Variants in BCKDHA observed in about 807,000 individuals in gnomAD.
BCKDHA encodes the protein 2-oxoisovalerate dehydrogenase subunit alpha, mitochondrial.
BCKDHA carries 43 observed loss-of-function variants against 52.2 expected under a neutral mutation model. The observed-to-expected ratio is 0.82, with a 90% confidence interval of 0.64 to 1.06. The LOEUF (loss-of-function observed/expected upper bound fraction) is 1.06. Among genes scored for constraint, BCKDHA ranks in the 50% least tolerant of loss-of-function variants. The pLI, the probability that BCKDHA is intolerant of heterozygous loss-of-function variation, is 0.00. For synonymous variants in BCKDHA, 234 were observed against 247.9 expected (o/e 0.94, Z 0.53); for missense variants, 527 against 621.3 (o/e 0.85, Z 1.61).
chr19:41,413,987 T>C, intron 3 of BCKDHA, 62 bp from the exon 4 acceptor site: 6 of 1,390,742 alleles, frequency 4.3e-6, no homozygotes, highest in South Asian at 1.2e-5. Context: ...AGGATTTGGA[T>C]GGCTCTCTGT....
chr19:41,414,969 G>A (rs2122123713), intron 4 of BCKDHA, among the ~76,000 whole-genome samples: 1 of 152,230 alleles, frequency 6.6e-6, no homozygotes, highest in South Asian at 2.1e-4. Context: ...AGCTGTTGAG[G>A]GCAGTCTTGG....
In BCKDHA at chr19:41,423,063, G is replaced by T; in HGVS notation, c.1061G>T (p.Trp354Leu). ...CGCTCGGTGGATGAGGTCAATTACT[G>T]GGATAAACAGGACCACCCCATCTCC... ...AYRSVDEVNY[W>L]DKQDHPISRL... The change falls in exon 8 of 9, where the codon TGG becomes TTG. Residue 354 changes from tryptophan to leucine, a missense_variant. Physicochemically the swap from Trp to Leu is moderately conservative, Grantham distance 61. Coordinates refer to ENST00000269980, the MANE Select transcript of BCKDHA (RefSeq NM_000709.4). 6.3e-7 allele frequency: 1 copy of T among 1,595,692 alleles called. No individual in the cohort carries two copies. Among genetic ancestry groups the T allele is most frequent in the African/African-American group, 1.3e-5 (1 of 74,690 alleles).
chr19:41,418,424 A>G (rs1316636803), intron 4 of BCKDHA, among the ~76,000 whole-genome samples: 3 of 152,204 alleles, frequency 2.0e-5, no homozygotes, highest in Admixed American at 1.3e-4. Flanking sequence ...GGTGTTCACC[A>G]GAGGTTTTGT....
At chr19:41,403,286 C>G (rs975376874) in intron 1 of BCKDHA, among the ~76,000 whole-genome samples, 1 of 152,188 alleles carries the variant, frequency 6.6e-6, no homozygotes, top group Non-Finnish European at 1.5e-5. Context: ...ATACGGAGGA[C>G]TTGGAGTTAA....
chr19:41,414,985 T>C (rs2039293166), intron 4 of BCKDHA, among the ~76,000 whole-genome samples: 2 of 152,042 alleles, frequency 1.3e-5, no homozygotes, highest in Admixed American at 1.3e-4. Flanking sequence ...CTTGGGGCAG[T>C]TGGCAAAGTG....
At chr19:41,416,146 G>A (rs4802118) in intron 4 of BCKDHA, among the ~76,000 whole-genome samples, 88,292 of 151,862 alleles carry the variant, frequency 0.58, 25,892 homozygotes, top group Middle Eastern at 0.62. Flanking sequence ...GTTTCACCAC[G>A]TTGGTCAGGC....
At chr19:41,404,626 C>A (rs957865205) in intron 1 of BCKDHA, among the ~76,000 whole-genome samples, 1 of 151,478 alleles carries the variant, frequency 6.6e-6, no homozygotes, top group Non-Finnish European at 1.5e-5. Context: ...TGGAGTCTCA[C>A]TCTGTCACCC....
intron 4 of BCKDHA, among the ~76,000 whole-genome samples, chr19:41,416,300 C>T (rs941856278): frequency 2.0e-5 from 3 of 152,160 alleles, no homozygotes; most frequent in Admixed American, 6.5e-5. Flanking sequence ...TTTCCCCTCA[C>T]TGCACTGCAG....
chr19:41,403,276 A>G (rs1019807099), intron 1 of BCKDHA, among the ~76,000 whole-genome samples: 1 of 152,162 alleles, frequency 6.6e-6, no homozygotes, highest in African/African-American at 2.4e-5. Flanking sequence ...GCTACCCTAG[A>G]TACGGAGGAC....
intron 3 of BCKDHA, among the ~76,000 whole-genome samples, chr19:41,411,345 T>C (rs939251528): frequency 5.3e-5 from 8 of 152,084 alleles, no homozygotes; most frequent in African/African-American, 1.9e-4. Context: ...CCTGGAGTGC[T>C]CCAGGGGACC....
chr19:41,422,969 C>A (rs1404660638), intron 7 of BCKDHA, 29 bp from the exon 8 acceptor site: 6 of 1,601,700 alleles, frequency 3.7e-6, no homozygotes, highest in African/African-American at 2.7e-5. Context: ...GGAGCCCACA[C>A]TGACCTGGGG....
At position 41,424,817 on chromosome 19, in the gene BCKDHA, C is replaced by A; in HGVS notation, c.*209C>A. 1 of 568,074 alleles carries A rather than the reference C, an allele frequency of 1.8e-6. No individual in the cohort carries two copies. Among genetic ancestry groups the A allele is most frequent in the Non-Finnish European group, 3.0e-6 (1 of 329,112 alleles). The allele number at this position is 568,074 out of a possible 1,614,324, so 35.2% of individuals were successfully genotyped here. On this transcript the variant is annotated 3_prime_UTR_variant, in exon 9 of 9. Coordinates refer to ENST00000269980, the MANE Select transcript of BCKDHA (RefSeq NM_000709.4). ...ACAGCATCTGCAGCAGTTGCTGAGGCTCCGTCAGCCCCCTCTTCACCTGTT... is the reference window on the plus strand; with the variant it reads ...ACAGCATCTGCAGCAGTTGCTGAGGATCCGTCAGCCCCCTCTTCACCTGTT...
intron 1 of BCKDHA, among the ~76,000 whole-genome samples, chr19:41,404,987 G>A (rs2039177768): frequency 6.6e-6 from 1 of 152,200 alleles, no homozygotes; most frequent in Non-Finnish European, 1.5e-5. Context: ...AGCAATGTGA[G>A]TAAGATCACC....
intron 5 of BCKDHA, 27 bp from the exon 6 acceptor site, chr19:41,422,136 CT>C: frequency 6.2e-7 from 1 of 1,605,850 alleles, no homozygotes; most frequent in Middle Eastern, 1.9e-4. Context: ...GTCTCCGCCC[CT>C]GCTCACCACC....
At position 41,410,666 on chromosome 19, in the gene BCKDHA, A is replaced by G; in HGVS notation, c.138A>G (p.Ser46=). The G allele has an allele frequency of 6.2e-7, 1 of 1,614,178 alleles. No homozygotes were observed. Among genetic ancestry groups the G allele is most frequent in the Non-Finnish European group, 8.5e-7 (1 of 1,180,030 alleles). Residue 46 remains serine, a synonymous_variant, in exon 2 of 9, where the codon TCA becomes TCG. Transcript: ENST00000269980. The stretch of plus-strand genomic sequence containing the variant: ...CCCCCAGGCAGCAGCAGCAGTTTTC[A>G]TCTCTGGATGACAAGCCCCAGTTCC... The part of the protein sequence containing the change: ...SHPPRQQQQF[S]SLDDKPQFPG...
At chr19:41,424,029 A>G (rs1225445584) in intron 8 of BCKDHA, among the ~76,000 whole-genome samples, 2 of 151,132 alleles carry the variant, frequency 1.3e-5, no homozygotes, top group East Asian at 3.9e-4. Context: ...ATTAGGTGGC[A>G]AACCGTGGTG....
chr19:41,424,826 C>G lies in BCKDHA; in HGVS notation c.*218C>G, dbSNP rs988642889. The stretch of plus-strand genomic sequence containing the variant: ...GCAGCAGTTGCTGAGGCTCCGTCAG[C>G]CCCCTCTTCACCTGTTGTTACAGTG... On this transcript the variant is annotated 3_prime_UTR_variant, in exon 9 of 9. Coordinates refer to ENST00000269980, the MANE Select transcript of BCKDHA (RefSeq NM_000709.4). The G allele has an allele frequency of 1.8e-6, 1 of 552,550 alleles. No individual in the cohort carries two copies. 34.2% of individuals were successfully genotyped at this position (552,550 alleles called of 1,614,324 possible). A position where few individuals can be genotyped will look rare whatever the true frequency, so the allele number is the denominator to read the frequency against.
At chr19:41,421,530 G>GGCAGGTGTGGAGTGA (rs995103108) in intron 5 of BCKDHA, among the ~76,000 whole-genome samples, 1 of 152,146 alleles carries the variant, frequency 6.6e-6, no homozygotes, top group African/African-American at 2.4e-5. Flanking sequence ...AGCCCAGAGG[G>GGCAGGTGTGGAGTGA]GCAGGTGTGG....
chr19:41,412,734 AC>A (rs949392818), intron 3 of BCKDHA, among the ~76,000 whole-genome samples: 15 of 145,354 alleles, frequency 1.0e-4, no homozygotes, highest in African/African-American at 3.9e-4. Flanking sequence ...GACGGAGTCC[AC>A]CTCTGTCGCC....
Sources: gnomAD v4.1 joint callset for allele counts (sites outside exome capture counted in the v4.1 genomes callset) on GRCh38, gnomAD v4.1.1 for gene constraint, MANE v1.5 for transcripts, NCBI Gene and HGNC (gene_info 2026-07-23, HGNC 2026-07-21) for gene names.